SRBD1: variants seen among roughly 807,000 people sequenced by gnomAD.
SRBD1 encodes the protein S1 RNA binding domain 1.
In SRBD1, 88 loss-of-function variants were observed where a neutral mutation model predicts 115.3. The ratio of observed to expected loss-of-function variants is 0.76; its 90% CI spans 0.64 to 0.91. The LOEUF is 0.91. Among genes scored for constraint, SRBD1 ranks in the 40% least tolerant of loss-of-function variants. The pLI, the probability that SRBD1 is intolerant of heterozygous loss-of-function variation, is 0.00. For missense variants in SRBD1, 1,385 were observed against 1,177.4 expected (o/e 1.18, Z -2.58); for synonymous variants, 509 against 407.7 (o/e 1.25, Z -2.99).
rs1326879330 is a variant in SRBD1 at position 45,581,750 on chromosome 2, A to G, written c.876T>C (p.Ser292=). 6.2e-7 allele frequency: 1 copy of G among 1,613,522 alleles called. No individual in the cohort carries two copies. The highest frequency in any genetic ancestry group is 1.3e-5 in the African/African-American group (1 of 74,926). ...IQKIKKEGKM[S]ECLLKAMLNC... The stretch of plus-strand genomic sequence containing the variant: ...TCAGCATGGCTTTTAACAAGCACTC[A>G]GACATCTTCCCTTCCTTCTTAATTT... Residue 292 remains serine, a synonymous_variant, in exon 6 of 21, where the codon TCT becomes TCC. Coordinates refer to ENST00000263736, the MANE Select transcript of SRBD1 (RefSeq NM_018079.5).
At chr2:45,406,501 T>A (rs770709641) in intron 19 of SRBD1, among the ~76,000 whole-genome samples, 9 of 152,202 alleles carry the variant, frequency 5.9e-5, no homozygotes, top group Non-Finnish European at 1.0e-4. Context: ...TCTCTTGCCA[T>A]ATTTAATTGA....
rs1166102515 is a variant in SRBD1 at position 45,585,658 on chromosome 2, G to A, written c.765C>T (p.Asn255=). Reference sequence around the variant, plus strand: ...CTTCTCTCAAGGAATCAGCATCAAGGTTATTAATGAGCTCTTTTCTATAAC... The same window carrying A: ...CTTCTCTCAAGGAATCAGCATCAAGATTATTAATGAGCTCTTTTCTATAAC... ...IIRYRKELIN[N]LDADSLREVQ... is the part of the protein sequence containing the mutation. Residue 255 remains asparagine, a synonymous_variant, in exon 5 of 21, where the codon AAC becomes AAT. Transcript: ENST00000263736. 2 of 1,612,016 alleles carry A rather than the reference G, an allele frequency of 1.2e-6. No homozygotes were observed. Among genetic ancestry groups the A allele is most frequent in the Non-Finnish European group, 1.7e-6 (2 of 1,179,506 alleles).
At chr2:45,531,451 GAAAAT>G (rs1671608884) in intron 14 of SRBD1, among the ~76,000 whole-genome samples, 3 of 151,712 alleles carry the variant, frequency 2.0e-5, no homozygotes, top group South Asian at 4.2e-4. Context: ...TCAGTAAACT[GAAAAT>G]AAAGTATATA....
chr2:45,534,204 T>C (rs930641008), intron 14 of SRBD1, among the ~76,000 whole-genome samples: 1 of 151,938 alleles, frequency 6.6e-6, no homozygotes, highest in African/African-American at 2.4e-5. Context: ...TCATTCCTTA[T>C]GTCTCCTTTC....
chr2:45,484,554 A>C (rs1408291299), intron 15 of SRBD1, among the ~76,000 whole-genome samples: 1 of 152,186 alleles, frequency 6.6e-6, no homozygotes, highest in Non-Finnish European at 1.5e-5. Flanking sequence ...ATTGTGTGGA[A>C]GGGGATGTTA....
intron 14 of SRBD1, among the ~76,000 whole-genome samples, chr2:45,489,768 T>C (rs1670236586): frequency 2.0e-5 from 3 of 152,178 alleles, no homozygotes; most frequent in Admixed American, 2.0e-4. Flanking sequence ...ATTTGGACCC[T>C]AACCTGCTTG....
chr2:45,552,469 T>G (rs1550109), intron 11 of SRBD1, among the ~76,000 whole-genome samples: 17,299 of 152,212 alleles, frequency 0.11, 1,008 homozygotes, highest in Middle Eastern at 0.15. Flanking sequence ...GATGAAATTA[T>G]TCCACATGCA....
At chr2:45,556,978 C>A (rs1274538026) in intron 10 of SRBD1, among the ~76,000 whole-genome samples, 9 of 151,862 alleles carry the variant, frequency 5.9e-5, no homozygotes, top group African/African-American at 1.9e-4. Flanking sequence ...AGAAAGACTT[C>A]CCAAAAGAAA....
chr2:45,434,107 C>T (rs978253802), intron 16 of SRBD1, among the ~76,000 whole-genome samples: 1 of 152,226 alleles, frequency 6.6e-6, no homozygotes, highest in Non-Finnish European at 1.5e-5. Context: ...TCCTTTACTG[C>T]TAACTCAGTA....
At chr2:45,404,233 T>C (rs1394925989) in intron 19 of SRBD1, among the ~76,000 whole-genome samples, 1 of 152,126 alleles carries the variant, frequency 6.6e-6, no homozygotes, top group Non-Finnish European at 1.5e-5. Flanking sequence ...TAGTTGAAGA[T>C]TTTGGGGAGA....
chr2:45,533,583 T>G (rs1166574881), intron 14 of SRBD1, among the ~76,000 whole-genome samples: 1 of 152,044 alleles, frequency 6.6e-6, no homozygotes, highest in African/African-American at 2.4e-5. Context: ...AATTGGTGAA[T>G]TCCACTCTAT....
At chr2:45,496,911 G>A (rs1298762012) in intron 14 of SRBD1, among the ~76,000 whole-genome samples, 2 of 152,074 alleles carry the variant, frequency 1.3e-5, no homozygotes, top group South Asian at 2.1e-4. Context: ...CCCAGCTAAT[G>A]CTGAAAAAAA....
intron 4 of SRBD1, among the ~76,000 whole-genome samples, chr2:45,596,920 C>A (rs541558184): frequency 2.6e-4 from 32 of 121,640 alleles, no homozygotes; most frequent in Non-Finnish European, 5.0e-5. Flanking sequence ...AACACCCCCC[C>A]ACAACCCTAA....
intron 19 of SRBD1, among the ~76,000 whole-genome samples, chr2:45,410,985 T>G (rs1276546653): frequency 6.6e-6 from 1 of 152,182 alleles, no homozygotes; most frequent in Non-Finnish European, 1.5e-5. Context: ...TGGATGAACA[T>G]TAAGTAGATG....
At chr2:45,524,543 A>C (rs1671382314) in intron 14 of SRBD1, among the ~76,000 whole-genome samples, 1 of 152,056 alleles carries the variant, frequency 6.6e-6, no homozygotes, top group South Asian at 2.1e-4. Context: ...TTCCATTTAC[A>C]ACAGCATCAA....
intron 16 of SRBD1, among the ~76,000 whole-genome samples, chr2:45,468,340 A>G (rs1669551848): frequency 6.6e-6 from 1 of 151,134 alleles, no homozygotes; most frequent in Non-Finnish European, 1.5e-5. Context: ...CCAGATGATG[A>G]GCACAGTATT....
At chr2:45,602,172 T>C in intron 2 of SRBD1, 89 bp from the exon 3 acceptor site, 2 of 1,431,192 alleles carry the variant, frequency 1.4e-6, no homozygotes, top group South Asian at 2.8e-5. Context: ...GAAAAAATGA[T>C]AAAGTAGGAG....
At chr2:45,453,417 A>G (rs770900115) in intron 16 of SRBD1, among the ~76,000 whole-genome samples, 2 of 151,892 alleles carry the variant, frequency 1.3e-5, no homozygotes, top group Non-Finnish European at 2.9e-5. Flanking sequence ...TTCCTTAAGT[A>G]CTTTTTTCCA....
chr2:45,401,906 T>C (rs1667300978), intron 19 of SRBD1, among the ~76,000 whole-genome samples: 1 of 152,170 alleles, frequency 6.6e-6, no homozygotes, highest in African/African-American at 2.4e-5. Flanking sequence ...TTAGAAGACT[T>C]CTTTGCTCGG....
Sources: allele counts gnomAD v4.1 joint callset (sites outside exome capture counted in the v4.1 genomes callset), GRCh38; gene constraint gnomAD v4.1.1; transcripts MANE v1.5; gene names NCBI Gene and HGNC (gene_info 2026-07-23, HGNC 2026-07-21).